The following ROBO2 variants were observed in gnomAD, a reference collection of about 807,000 sequenced individuals.
ROBO2 encodes the protein roundabout homolog 2.
In ROBO2, 53 loss-of-function variants were observed where a neutral mutation model predicts 160.8. The ratio of observed to expected loss-of-function variants is 0.33; its 90% CI spans 0.26 to 0.41. The LOEUF (loss-of-function observed/expected upper bound fraction) is 0.41, where lower values mean the gene tolerates loss of function less well. Among genes scored for constraint, ROBO2 ranks in the 10% least tolerant of loss-of-function variants. The pLI, the probability that ROBO2 is intolerant of heterozygous loss-of-function variation, is 1.00. For missense variants in ROBO2, 1,577 were observed against 1,722.4 expected (o/e 0.92, Z 1.49); for synonymous variants, 664 against 611.7 (o/e 1.09, Z -1.26).
At chr3:76,730,176 CCTCACCTCCTACTCCCTACTCGCTTG>C (rs2093613338) in intron 2 of ROBO2, among the ~76,000 whole-genome samples, 1 of 151,248 alleles carries the variant, frequency 6.6e-6, no homozygotes. Flanking sequence ...ACCCACTTTT[CCTCACCTCCTACTCCCTACTCGCTTG>C]TCCTCACCTC....
intron 2 of ROBO2, among the ~76,000 whole-genome samples, chr3:76,248,717 A>T (rs1705793821): frequency 6.6e-6 from 1 of 152,014 alleles, no homozygotes; most frequent in African/African-American, 2.4e-5. Flanking sequence ...TCTTCCAACT[A>T]TTCCACTCCT....
intron 2 of ROBO2, among the ~76,000 whole-genome samples, chr3:76,693,484 TG>T: frequency 1.0e-5 from 1 of 96,254 alleles, no homozygotes; most frequent in South Asian, 3.4e-4. Flanking sequence ...TGTGTGTGTG[TG>T]TATATATACA....
chr3:76,784,585 G>A (rs893155077), intron 2 of ROBO2, among the ~76,000 whole-genome samples: 1 of 151,146 alleles, frequency 6.6e-6, no homozygotes, highest in South Asian at 2.1e-4. Flanking sequence ...GATATATTGA[G>A]TACCATGCAT....
intron 2 of ROBO2, among the ~76,000 whole-genome samples, chr3:76,085,199 C>T (rs927199333): frequency 1.4e-5 from 2 of 139,830 alleles, no homozygotes; most frequent in Non-Finnish European, 3.0e-5. Flanking sequence ...TATATAGAAA[C>T]ATATCATTAA....
At chr3:76,349,161 G>T (rs1319227149) in intron 2 of ROBO2, among the ~76,000 whole-genome samples, 5 of 152,026 alleles carry the variant, frequency 3.3e-5, no homozygotes, top group Non-Finnish European at 7.4e-5. Context: ...GAAAGCCTAT[G>T]TAACATATTT....
chr3:76,261,442 G>A (rs183038611), intron 2 of ROBO2, among the ~76,000 whole-genome samples: 1 of 151,424 alleles, frequency 6.6e-6, no homozygotes, highest in Non-Finnish European at 1.5e-5. Flanking sequence ...CCATTTTTTT[G>A]GGGGGGAACT....
intron 2 of ROBO2, among the ~76,000 whole-genome samples, chr3:76,942,133 A>G (rs903003877): frequency 1.2e-4 from 19 of 152,232 alleles, no homozygotes; most frequent in African/African-American, 4.1e-4. Flanking sequence ...ATTATTATAT[A>G]GAAAATGTAT....
intron 2 of ROBO2, among the ~76,000 whole-genome samples, chr3:76,795,742 A>C (rs146407776): frequency 6.6e-6 from 1 of 152,120 alleles, no homozygotes; most frequent in African/African-American, 2.4e-5. Flanking sequence ...ACTTCCACTC[A>C]TGAGTCACAA....
At position 76,261,194 on chromosome 3, in the gene ROBO2, GTGTGTGTGTATA is replaced by G. The variant is rs1319123492; in HGVS notation, c.109+323594_109+323605del. Among the ~76,000 whole-genome samples the G allele has an allele frequency of 7.2e-5, 9 of 124,314 alleles. No individual in the cohort carries two copies. In the East Asian group the frequency reaches 1.2e-3, roughly 16 times the overall value. The allele number at this position is 124,314 out of a possible 152,430, so 81.6% of individuals were successfully genotyped here. A position where few individuals can be genotyped will look rare whatever the true frequency, so the allele number is the denominator to read the frequency against. On this transcript the variant is annotated intron_variant, in intron 2 of 26. Transcript: ENST00000487694. ...TGTGTGTGTGTGTGTGTGTGTGTGT[GTGTGTGTGTATA>G]TATATATATAAATGACAGCTTCCTA...
intron 2 of ROBO2, among the ~76,000 whole-genome samples, chr3:76,390,104 A>G (rs1411595442): frequency 6.6e-6 from 1 of 152,166 alleles, no homozygotes; most frequent in Non-Finnish European, 1.5e-5. Flanking sequence ...TACTCATTAT[A>G]TTTGTTTAGA....
At chr3:77,023,187 G>A (rs915606508) in intron 2 of ROBO2, among the ~76,000 whole-genome samples, 5 of 152,276 alleles carry the variant, frequency 3.3e-5, no homozygotes, top group African/African-American at 7.2e-5. Context: ...AAAGTCTCAC[G>A]AGATCTGATG....
Position 76,455,200 on chromosome 3 carries a change from T to C in ROBO2, c.109+517598T>C, listed in dbSNP as rs886629327. ...GGAAAATTATGTCTTAGACATTTAG[T>C]GCTATCCAGCTTCCTTGCTTTCAAA... On this transcript the variant is annotated intron_variant, in intron 2 of 26. Transcript: ENST00000487694. Among the ~76,000 whole-genome samples the C allele has an allele frequency of 3.3e-5, 5 of 152,250 alleles. No individual in the cohort carries two copies. In the East Asian group the frequency reaches 9.6e-4, roughly 29 times the overall value.
chr3:76,750,927 C>A (rs1205778251), intron 2 of ROBO2, among the ~76,000 whole-genome samples: 5 of 152,062 alleles, frequency 3.3e-5, no homozygotes, highest in Admixed American at 2.0e-4. Flanking sequence ...ACTTTCTTCA[C>A]AGAATTGGAA....
At chr3:76,300,292 A>G (rs1709290592) in intron 2 of ROBO2, among the ~76,000 whole-genome samples, 1 of 152,006 alleles carries the variant, frequency 6.6e-6, no homozygotes, top group African/African-American at 2.4e-5. Context: ...TGAATCCTAA[A>G]TGGTGCCCAC....
chr3:75,991,779 A>G (rs570503523), intron 2 of ROBO2, among the ~76,000 whole-genome samples: 1 of 152,252 alleles, frequency 6.6e-6, no homozygotes, highest in African/African-American at 2.4e-5. Context: ...GACGTGTTGA[A>G]TGGCTTTGAC....
intron 2 of ROBO2, among the ~76,000 whole-genome samples, chr3:77,311,438 C>T (rs919534965): frequency 3.9e-5 from 6 of 152,130 alleles, no homozygotes; most frequent in African/African-American, 1.4e-4. Context: ...ATGTAATTGG[C>T]TTCTATTGTT....
chr3:77,441,453 T>G (rs1024803968), intron 2 of ROBO2, among the ~76,000 whole-genome samples: 1 of 152,054 alleles, frequency 6.6e-6, no homozygotes, highest in Non-Finnish European at 1.5e-5. Context: ...ATGATAACAG[T>G]GTCATGTAAA....
intron 6 of ROBO2, among the ~76,000 whole-genome samples, chr3:77,524,291 A>G (rs2090919997): frequency 6.6e-6 from 1 of 150,526 alleles, no homozygotes; most frequent in Non-Finnish European, 1.5e-5. Flanking sequence ...GAATATATAT[A>G]TATATATGGA....
chr3:76,241,248 C>T (rs961544331), intron 2 of ROBO2, among the ~76,000 whole-genome samples: 3 of 151,964 alleles, frequency 2.0e-5, no homozygotes, highest in Non-Finnish European at 2.9e-5. Flanking sequence ...CATGGCTTCC[C>T]GGGATCTTAA....
Sources: allele counts gnomAD v4.1 joint callset (sites outside exome capture counted in the v4.1 genomes callset), GRCh38; gene constraint gnomAD v4.1.1; transcripts MANE v1.5; gene names NCBI Gene and HGNC (gene_info 2026-07-23, HGNC 2026-07-21).